Variants in ZCWPW2 observed in about 807,000 individuals in gnomAD.
ZCWPW2 encodes the protein zinc finger CW-type PWWP domain protein 2.
A neutral mutation model predicts 46.6 loss-of-function variants in ZCWPW2; 45 were observed. The observed-to-expected ratio is 0.96, with a 90% CI of 0.76 to 1.24. The LOEUF is 1.24. Ranked by LOEUF, ZCWPW2 falls within the 50% of genes most tolerant of loss-of-function variation. The pLI is 0.00. For missense variants in ZCWPW2, 429 were observed against 403.9 expected (o/e 1.06, Z -0.53); for synonymous variants, 152 against 137.1 (o/e 1.11, Z -0.76).
chr3:28,388,976 A>G (rs991761786), intron 1 of ZCWPW2, among the ~76,000 whole-genome samples: 1 of 152,136 alleles, frequency 6.6e-6, no homozygotes, highest in Non-Finnish European at 1.5e-5. Flanking sequence ...TTCTTTTTGG[A>G]AGTCAGGATC....
At chr3:28,494,868 C>A (rs1699933625) in intron 6 of ZCWPW2, among the ~76,000 whole-genome samples, 1 of 141,532 alleles carries the variant, frequency 7.1e-6, no homozygotes, top group Non-Finnish European at 1.5e-5. Flanking sequence ...ATCCAACTTA[C>A]AAGGGATGTG....
At chr3:28,501,204 A>G (rs1700133442) in intron 6 of ZCWPW2, among the ~76,000 whole-genome samples, 1 of 152,192 alleles carries the variant, frequency 6.6e-6, no homozygotes, top group African/African-American at 2.4e-5. Flanking sequence ...TTTGTAAGGC[A>G]GCTCCAGCAG....
intron 5 of ZCWPW2, among the ~76,000 whole-genome samples, chr3:28,482,504 T>C (rs1439179466): frequency 6.6e-6 from 1 of 151,146 alleles, no homozygotes; most frequent in Non-Finnish European, 1.5e-5. Flanking sequence ...TCAACTTCTT[T>C]TGATAAATAC....
At position 28,390,121 on chromosome 3, in the gene ZCWPW2, G is replaced by A. The variant is rs546511016; in HGVS notation, c.-133-377G>A. On this transcript the variant is annotated intron_variant, in intron 1 of 9. Transcript: ENST00000383768. ...TTTACAGATGGCCATGGGAATGTCA[G>A]CCCACATTCTTGATGTGAGTTGCTA... 5.9e-5 allele frequency among the ~76,000 whole-genome samples: 9 copies of A among 152,292 alleles called. No individual in the cohort carries two copies. The East Asian group carries it at 1.7e-3, about 29-fold the overall frequency.
At chr3:28,464,915 T>G (rs1282615018) in intron 4 of ZCWPW2, among the ~76,000 whole-genome samples, 2 of 152,208 alleles carry the variant, frequency 1.3e-5, no homozygotes, top group Non-Finnish European at 2.9e-5. Flanking sequence ...TGGATTACAG[T>G]TGAAAAAGTT....
At position 28,492,180 on chromosome 3, in the gene ZCWPW2, T is replaced by C. The variant is rs1173744102; in HGVS notation, c.657+7T>C. ...TGCACTGGTCAAGAAAAGGGTAAGA[T>C]TGTGTTTTATTATATAAAATATACA... On this transcript the variant is annotated splice_region_variant and intron_variant, in intron 6 of 9. Coordinates refer to ENST00000383768, the MANE Select transcript of ZCWPW2 (RefSeq NM_001040432.4). The C allele has an allele frequency of 3.1e-6, 5 of 1,600,458 alleles. No individual in the cohort carries two copies. The African/African-American group carries it at 5.4e-5, about 17-fold the overall frequency.
intron 1 of ZCWPW2, among the ~76,000 whole-genome samples, chr3:28,365,021 G>A (rs1167674149): frequency 2.0e-5 from 3 of 151,852 alleles, no homozygotes; most frequent in African/African-American, 7.3e-5. Context: ...AAATTTGTTT[G>A]AGTTCATTGT....
intron 4 of ZCWPW2, among the ~76,000 whole-genome samples, chr3:28,449,618 A>C (rs779130785): frequency 2.6e-5 from 4 of 152,210 alleles, no homozygotes; most frequent in Non-Finnish European, 5.9e-5. Context: ...ATTGCACAAC[A>C]TTATAAATGT....
In ZCWPW2 at chr3:28,486,752, A is replaced by C. The variant is rs538799623; in HGVS notation, c.611-5375A>C. 6.6e-5 allele frequency among the ~76,000 whole-genome samples: 10 copies of C among 152,138 alleles called. No homozygotes were observed. In the South Asian group the frequency reaches 1.9e-3, roughly 28 times the overall value. On this transcript the variant is annotated intron_variant, in intron 5 of 9. Coordinates refer to ENST00000383768, the MANE Select transcript of ZCWPW2 (RefSeq NM_001040432.4). ...TAGCCAGGTATTCATCTGTAGTCCCAGCTATGCAGGAGACTGAGTGGGAGG... is the reference window on the plus strand; with the variant it reads ...TAGCCAGGTATTCATCTGTAGTCCCCGCTATGCAGGAGACTGAGTGGGAGG...
chr3:28,417,558 A>AC (rs1696650874), intron 3 of ZCWPW2, among the ~76,000 whole-genome samples: 2 of 151,368 alleles, frequency 1.3e-5, no homozygotes, highest in South Asian at 4.2e-4. Context: ...CAGAGACACA[A>AC]CAAAAAAAGA....
At chr3:28,437,515 T>C (rs1697549432) in intron 4 of ZCWPW2, among the ~76,000 whole-genome samples, 1 of 152,166 alleles carries the variant, frequency 6.6e-6, no homozygotes, top group South Asian at 2.1e-4. Context: ...ATCATGTTTG[T>C]CTAGTCTTTT....
Position 28,478,268 on chromosome 3 carries a change from G to C in ZCWPW2, c.493-546G>C. 7.1e-6 allele frequency: 2 copies of C among 282,648 alleles called. 1 individual carries two copies. The highest frequency in any genetic ancestry group is 5.9e-5 in the South Asian group (2 of 33,746). 17.5% of individuals were successfully genotyped at this position (282,648 alleles called of 1,614,324 possible). On this transcript the variant is annotated intron_variant, in intron 4 of 9. Coordinates refer to ENST00000383768, the MANE Select transcript of ZCWPW2 (RefSeq NM_001040432.4). ...TTTTATTATTTTATTTTTTGAGACAGAGTCTTACTCTCTCACCTAGACTGG... is the reference window on the plus strand; with the variant it reads ...TTTTATTATTTTATTTTTTGAGACACAGTCTTACTCTCTCACCTAGACTGG...
chr3:28,492,402 C>A (rs1699841667), intron 6 of ZCWPW2, among the ~76,000 whole-genome samples: 1 of 151,862 alleles, frequency 6.6e-6, no homozygotes, highest in Admixed American at 6.6e-5. Flanking sequence ...CAATAGAGAA[C>A]TATAAGTAAA....
intron 2 of ZCWPW2, among the ~76,000 whole-genome samples, chr3:28,401,072 G>C (rs367893603): frequency 6.6e-6 from 1 of 151,956 alleles, no homozygotes; most frequent in Non-Finnish European, 1.5e-5. Flanking sequence ...CCAGCTACTC[G>C]GGAGGCTGAG....
chr3:28,422,354 A>T (rs1412911633), intron 3 of ZCWPW2, among the ~76,000 whole-genome samples: 2 of 152,012 alleles, frequency 1.3e-5, no homozygotes, highest in African/African-American at 4.8e-5. Context: ...TGGCCTAAAA[A>T]TCCTCTGTGT....
chr3:28,382,162 CAAAAAAA>C (rs1237903671), intron 1 of ZCWPW2, among the ~76,000 whole-genome samples: 5 of 81,398 alleles, frequency 6.1e-5, no homozygotes, highest in Non-Finnish European at 9.9e-5. Flanking sequence ...AACTGCATCT[CAAAAAAA>C]AAAAAAAAAA....
chr3:28,442,527 G>A (rs888397502), intron 4 of ZCWPW2, among the ~76,000 whole-genome samples: 1 of 152,196 alleles, frequency 6.6e-6, no homozygotes, highest in Non-Finnish European at 1.5e-5. Context: ...CACAAAGCTG[G>A]AGAGTTGATA....
chr3:28,420,039 C>T (rs542130822), intron 3 of ZCWPW2, among the ~76,000 whole-genome samples: 1 of 149,596 alleles, frequency 6.7e-6, no homozygotes, highest in Non-Finnish European at 1.5e-5. Context: ...CAAACCTGCA[C>T]GTTGTGCACA....
At chr3:28,412,238 C>CT (rs1431600135) in intron 2 of ZCWPW2, among the ~76,000 whole-genome samples, 1 of 151,404 alleles carries the variant, frequency 6.6e-6, no homozygotes, top group African/African-American at 2.4e-5. Flanking sequence ...TTACTATATA[C>CT]TTTTTTATTG....
Sources: allele counts gnomAD v4.1 joint callset (sites outside exome capture counted in the v4.1 genomes callset), GRCh38; gene constraint gnomAD v4.1.1; transcripts MANE v1.5; gene names NCBI Gene and HGNC (gene_info 2026-07-23, HGNC 2026-07-21).